Variants in DYNC1H1 observed in about 807,000 individuals in gnomAD.
DYNC1H1 encodes the protein dynein cytoplasmic 1 heavy chain 1.
DYNC1H1 carries 51 observed loss-of-function variants against 527.1 expected under a neutral mutation model. The ratio of observed to expected loss-of-function variants is 0.10; its 90% CI spans 0.08 to 0.12. The LOEUF (loss-of-function observed/expected upper bound fraction) is 0.12, where lower values mean the gene tolerates loss of function less well. Among genes scored for constraint, DYNC1H1 ranks in the 10% least tolerant of loss-of-function variants. DYNC1H1 has a pLI of 1.00. For synonymous variants in DYNC1H1, 2,189 were observed against 2,278.8 expected, an observed-to-expected ratio of 0.96 and a Z score of 1.12; for missense variants, 2,771 against 5,971.8, an observed-to-expected ratio of 0.46 and a Z score of 17.66.
intron 16 of DYNC1H1, among the ~76,000 whole-genome samples, chr14:101,999,492 T>C (rs546027009): frequency 6.6e-6 from 1 of 152,358 alleles, no homozygotes; most frequent in South Asian, 2.1e-4. Context: ...CAGTAATATT[T>C]TGTACACCTC....
Position 102,015,199 on chromosome 14 carries a change from G to C in DYNC1H1, c.7109G>C (p.Ser2370Thr). ...GTCTGGTTCAGTGAGGATGTGCTGA[G>C]CACCGACATGATCTTCAACAACTTC... The part of the protein sequence containing the change: ...GMVWFSEDVL[S>T]TDMIFNNFLA... The change falls in exon 35 of 78, where the codon AGC becomes ACC. Residue 2370 changes from serine to threonine, a missense_variant. Ser to Thr is a moderately conservative substitution (Grantham distance 58, BLOSUM62 1). Coordinates refer to ENST00000360184, the MANE Select transcript of DYNC1H1 (RefSeq NM_001376.5). The surrounding 1 kb of genome is among the most constrained non-coding windows in gnomAD (Gnocchi z 6.9). 6.2e-7 allele frequency: 1 copy of C among 1,614,230 alleles called. No individual in the cohort carries two copies. The highest frequency in any genetic ancestry group is 8.5e-7 in the Non-Finnish European group (1 of 1,180,046).
chr14:102,044,799 G>C lies in DYNC1H1; in HGVS notation c.13006+101G>C. 7.3e-7 allele frequency: 1 copy of C among 1,363,316 alleles called. No individual in the cohort carries two copies. The highest frequency in any genetic ancestry group is 1.0e-6 in the Non-Finnish European group (1 of 969,962). The allele number at this position is 1,363,316 out of a possible 1,614,324, so 84.5% of individuals were successfully genotyped here. ...CCCACACGCAGGGTGAGTGTGCACT[G>C]CTGTCCCAGGGCCCTCCCTGGTTAT... On this transcript the variant is annotated intron_variant, in intron 72 of 77. Transcript: ENST00000360184. The surrounding 1 kb of genome is among the most constrained non-coding windows in gnomAD (Gnocchi z 7.1).
rs188589905 is a variant in DYNC1H1 at position 101,991,795 on chromosome 14, C to A, written c.3015+122C>A. ...GATGTTGTTTACAAACTCCAGACATCCCAGGGGAAAGTTAGGGAGGCTTTT... is the reference window on the plus strand; with the variant it reads ...GATGTTGTTTACAAACTCCAGACATACCAGGGGAAAGTTAGGGAGGCTTTT... On this transcript the variant is annotated intron_variant, in intron 11 of 77. Transcript: ENST00000360184. 189 of 1,419,706 alleles carry A rather than the reference C, an allele frequency of 1.3e-4. No individual in the cohort carries two copies. In the African/African-American group the frequency reaches 2.3e-3, roughly 18 times the overall value. 87.9% of individuals were successfully genotyped at this position (1,419,706 alleles called of 1,614,324 possible). A position where few individuals can be genotyped will look rare whatever the true frequency, so the allele number is the denominator to read the frequency against.
intron 64 of DYNC1H1, 163 bp downstream of exon 64, chr14:102,040,836 G>A (rs1316005194): frequency 1.6e-5 from 13 of 809,092 alleles, no homozygotes; most frequent in Non-Finnish European, 2.4e-5. Flanking sequence ...GTGCACACCT[G>A]TAGTCCCATC....
chr14:102,009,785 T>C, intron 29 of DYNC1H1, 58 bp from the exon 30 acceptor site: 1 of 1,608,630 alleles, frequency 6.2e-7, no homozygotes, highest in South Asian at 1.1e-5. Flanking sequence ...CATTTTAGAA[T>C]GCATTTTGTT....
At position 101,965,467 on chromosome 14, in the gene DYNC1H1, G is replaced by A. The variant is rs1017511049; in HGVS notation, c.256+520G>A. Reference sequence around the variant, plus strand: ...CGGAGCTGGGGGCAGCCGGGGTTCTGGTTCGGGAGGAGGTCGGGCGGGTGT... The same window carrying A: ...CGGAGCTGGGGGCAGCCGGGGTTCTAGTTCGGGAGGAGGTCGGGCGGGTGT... On this transcript the variant is annotated intron_variant, in intron 1 of 77. Coordinates refer to ENST00000360184, the MANE Select transcript of DYNC1H1 (RefSeq NM_001376.5). This position sits in a 1 kb window ranked among gnomAD's most constrained non-coding sequence, Gnocchi z 4.1. 6.6e-6 allele frequency among the ~76,000 whole-genome samples: 1 copy of A among 152,214 alleles called. No individual in the cohort carries two copies. The highest frequency in any genetic ancestry group is 1.5e-5 in the Non-Finnish European group (1 of 68,034).
chr14:102,003,430 T>C (rs1158671636), intron 23 of DYNC1H1, among the ~76,000 whole-genome samples: 1 of 151,948 alleles, frequency 6.6e-6, no homozygotes, highest in African/African-American at 2.4e-5. Context: ...CCCGGCTAAT[T>C]TTTATATTTT....
At chr14:102,019,860 T>TA in intron 41 of DYNC1H1, 33 bp from the exon 42 acceptor site, 1 of 1,613,912 alleles carries the variant, frequency 6.2e-7, no homozygotes, top group East Asian at 2.2e-5. Flanking sequence ...TTAAGATATT[T>TA]ACGTGTACCT....
In DYNC1H1 at chr14:101,964,574, G is replaced by A. The variant is rs2047639094; in HGVS notation, c.-118G>A. The stretch of plus-strand genomic sequence containing the variant: ...GCGGAGCCGGCTCCCGCTCTCCTCA[G>A]TCTGCGGTGGGCTAGCGGACGGTCC... On this transcript the variant is annotated 5_prime_UTR_variant, in exon 1 of 78. Coordinates refer to ENST00000360184, the MANE Select transcript of DYNC1H1 (RefSeq NM_001376.5). The surrounding 1 kb of genome is among the most constrained non-coding windows in gnomAD (Gnocchi z 5.5). 1.3e-6 allele frequency: 2 copies of A among 1,514,666 alleles called. No homozygotes were observed. Among genetic ancestry groups the A allele is most frequent in the Admixed American group, 4.0e-5 (2 of 50,002 alleles). The allele number at this position is 1,514,666 out of a possible 1,614,324, so 93.8% of individuals were successfully genotyped here.
chr14:102,038,269 G>A lies in DYNC1H1; in HGVS notation c.10909-191G>A, dbSNP rs1286812665. Reference sequence around the variant, plus strand: ...GCTGGAATTACAGGCGTGAGCCACCGCATCTGGCTGAGTTTTTAATTTTAG... The same window carrying A: ...GCTGGAATTACAGGCGTGAGCCACCACATCTGGCTGAGTTTTTAATTTTAG... On this transcript the variant is annotated intron_variant, in intron 57 of 77. Coordinates refer to ENST00000360184, the MANE Select transcript of DYNC1H1 (RefSeq NM_001376.5). This position sits in a 1 kb window ranked among gnomAD's most constrained non-coding sequence, Gnocchi z 7.2. The A allele has an allele frequency of 9.6e-6, 9 of 935,482 alleles. No homozygotes were observed. The highest frequency in any genetic ancestry group is 3.0e-5 in the South Asian group (2 of 66,852). 57.9% of individuals were successfully genotyped at this position (935,482 alleles called of 1,614,324 possible).
intron 29 of DYNC1H1, 115 bp downstream of exon 29, chr14:102,008,452 A>G: frequency 7.2e-7 from 1 of 1,387,912 alleles, no homozygotes; most frequent in Non-Finnish European, 9.9e-7. Flanking sequence ...ACAGGAGCTC[A>G]CTGTTACAGG....
At position 102,010,630 on chromosome 14, in the gene DYNC1H1, T is replaced by C; in HGVS notation, c.6406-110T>C. 1 of 1,516,228 alleles carries C rather than the reference T, an allele frequency of 6.6e-7. No homozygotes were observed. The highest frequency in any genetic ancestry group is 9.0e-7 in the Non-Finnish European group (1 of 1,106,186). The allele number at this position is 1,516,228 out of a possible 1,614,324, so 93.9% of individuals were successfully genotyped here. On this transcript the variant is annotated intron_variant, in intron 31 of 77. Coordinates refer to ENST00000360184, the MANE Select transcript of DYNC1H1 (RefSeq NM_001376.5). The surrounding 1 kb of genome is among the most constrained non-coding windows in gnomAD (Gnocchi z 6.0). ...CGAGTGCACGAATGTGGGCGAGTGG[T>C]GCTCGCACCCTTTGTTCACCAACAG...
chr14:102,013,375 T>C (rs1360625686), intron 34 of DYNC1H1, among the ~76,000 whole-genome samples: 1 of 151,458 alleles, frequency 6.6e-6, no homozygotes, highest in Non-Finnish European at 1.5e-5. Flanking sequence ...TGTCAGGTGT[T>C]GGTGGGGGTT....
chr14:101,998,742 G>GT (rs1443821172), intron 16 of DYNC1H1, among the ~76,000 whole-genome samples: 22 of 152,250 alleles, frequency 1.4e-4, no homozygotes, highest in Admixed American at 8.5e-4. Flanking sequence ...CAGTGCTGCT[G>GT]TTACTGCTAG....
At position 102,011,843 on chromosome 14, in the gene DYNC1H1, T is replaced by C; in HGVS notation, c.6619-32T>C. On this transcript the variant is annotated intron_variant, in intron 32 of 77. Transcript: ENST00000360184. This position sits in a 1 kb window ranked among gnomAD's most constrained non-coding sequence, Gnocchi z 5.3. Reference sequence around the variant, plus strand: ...AGCTGTCCCCATTCCTCCTCTGGGATGGTCACTGTGCTGGTCTGTTGGGCC... The same window carrying C: ...AGCTGTCCCCATTCCTCCTCTGGGACGGTCACTGTGCTGGTCTGTTGGGCC... The C allele has an allele frequency of 6.2e-7, 1 of 1,610,324 alleles. No homozygotes were observed.
Position 102,047,873 on chromosome 14 carries a change from C to T in DYNC1H1, c.13063C>T (p.Leu4355=), listed in dbSNP as rs1169872540. Reference sequence around the variant, plus strand: ...GCAGATGTTGGAGGATGAGGACGACCTGGCCTACGCAGAGACTGAGAAGAA... The same window carrying T: ...GCAGATGTTGGAGGATGAGGACGACTTGGCCTACGCAGAGACTGAGAAGAA... ...KMQMLEDEDD[L]AYAETEKKTR... is the part of the protein sequence containing the mutation. Residue 4355 remains leucine (L), a synonymous_variant, in exon 73 of 78, where the codon CTG becomes TTG. Transcript: ENST00000360184. The T allele has an allele frequency of 2.5e-6, 4 of 1,613,480 alleles. No homozygotes were observed. In the African/African-American group the frequency reaches 4.0e-5, roughly 16 times the overall value.
intron 28 of DYNC1H1, among the ~76,000 whole-genome samples, 195 bp from the exon 29 acceptor site, chr14:102,007,983 G>A (rs1254084625): frequency 1.3e-5 from 2 of 152,182 alleles, no homozygotes; most frequent in African/African-American, 2.4e-5. Flanking sequence ...CTTCTTAGAA[G>A]GGCACCAGTC....
In DYNC1H1 at chr14:102,012,003, T is replaced by C; in HGVS notation, c.6747T>C (p.Gly2249=). Residue 2249 remains glycine (G), a synonymous_variant, in exon 33 of 78, where the codon GGT becomes GGC. Transcript: ENST00000360184. The surrounding 1 kb of genome is among the most constrained non-coding windows in gnomAD (Gnocchi z 4.9). ...TGGAGAGACTCGAGGGTGTGGAAGG[T>C]GTGGCCCATATCATCGACCCCAAGG... The part of the protein sequence containing the change: ...KALERLEGVE[G]VAHIIDPKAI... 6.2e-7 allele frequency: 1 copy of C among 1,613,852 alleles called. No homozygotes were observed. The highest frequency in any genetic ancestry group is 1.1e-5 in the South Asian group (1 of 91,076).
chr14:102,013,336 T>C (rs1203747336), intron 34 of DYNC1H1, among the ~76,000 whole-genome samples: 1 of 150,866 alleles, frequency 6.6e-6, no homozygotes, highest in Non-Finnish European at 1.5e-5. Context: ...GAATAGTGAT[T>C]GGTGCAAAGA....
Sources: allele counts gnomAD v4.1 joint callset (sites outside exome capture counted in the v4.1 genomes callset), GRCh38; gene constraint gnomAD v4.1.1; non-coding constraint Gnocchi (gnomAD v3.1); transcripts MANE v1.5; gene names NCBI Gene and HGNC (gene_info 2026-07-23, HGNC 2026-07-21).